Variants in ITGAE observed in about 807,000 individuals in gnomAD.
ITGAE encodes integrin subunit alpha E, also known as integrin alpha-E.
ITGAE carries 99 observed loss-of-function variants against 136.5 expected under a neutral mutation model. The ratio of observed to expected loss-of-function variants is 0.73; its 90% CI spans 0.62 to 0.86. The LOEUF is 0.86. ITGAE is among the 40% of genes least tolerant of loss of function. The pLI is 0.00. For missense variants in ITGAE, 1,447 were observed against 1,515.3 expected, an observed-to-expected ratio of 0.95 and a Z score of 0.75; for synonymous variants, 613 against 591.8, an observed-to-expected ratio of 1.04 and a Z score of -0.52.
chr17:3,777,523 C>T lies in ITGAE; in HGVS notation c.155+17G>A, dbSNP rs2052571516. 1 of 1,597,482 alleles carries T rather than the reference C, an allele frequency of 6.3e-7. No homozygotes were observed. The highest frequency in any genetic ancestry group is 8.5e-7 in the Non-Finnish European group (1 of 1,170,254). ...GCCCCTCAGTCTGAAGGCCTCTTGC[C>T]CACCGGCCCTACTCACCAGGTCTGG... is the stretch of plus-strand genomic sequence containing the variant. On this transcript the variant is annotated intron_variant, in intron 2 of 30. Transcript: ENST00000263087.
At chr17:3,778,564 AAAC>A (rs149687294) in intron 1 of ITGAE, among the ~76,000 whole-genome samples, 14,519 of 152,138 alleles carry the variant, frequency 0.095, 2,224 homozygotes, top group African/African-American at 0.33. Context: ...CTCCGTCTCA[AAAC>A]AACAACAACA....
At chr17:3,769,434 T>C (rs2052369735) in intron 2 of ITGAE, among the ~76,000 whole-genome samples, 1 of 149,594 alleles carries the variant, frequency 6.7e-6, no homozygotes, top group Non-Finnish European at 1.5e-5. Flanking sequence ...CTGCCATTCA[T>C]GCCGCCATCA....
chr17:3,739,930 G>A (rs769720919), intron 19 of ITGAE, 52 bp from the exon 20 acceptor site: 2 of 1,454,222 alleles, frequency 1.4e-6, no homozygotes, highest in Non-Finnish European at 1.9e-6. Context: ...TTCCCCAGCA[G>A]CCCTGCCTCC....
intron 2 of ITGAE, among the ~76,000 whole-genome samples, chr17:3,769,643 G>C (rs916814901): frequency 6.6e-6 from 1 of 152,172 alleles, no homozygotes; most frequent in Non-Finnish European, 1.5e-5. Flanking sequence ...AGCAACCCTT[G>C]TCCATCTCCT....
Position 3,768,132 on chromosome 17 carries a change from AT to A in ITGAE, c.156-4173del, listed in dbSNP as rs200795016. The stretch of plus-strand genomic sequence containing the variant: ...ATTTGGTTTTTAATTTACTCATGTA[AT>A]TTTTTTTTTAAGACAGAGTCTCCTT... On this transcript the variant is annotated intron_variant, in intron 2 of 30. Coordinates refer to ENST00000263087, the MANE Select transcript of ITGAE (RefSeq NM_002208.5). Among the ~76,000 whole-genome samples, 891 of 149,286 alleles carry A rather than the reference AT, an allele frequency of 6.0e-3. 18 individuals carry two copies. The highest frequency in any genetic ancestry group is 0.02 in the African/African-American group (821 of 40,662).
chr17:3,741,064 TG>T (rs1171267926), intron 19 of ITGAE, among the ~76,000 whole-genome samples: 1 of 146,914 alleles, frequency 6.8e-6, no homozygotes, highest in Non-Finnish European at 1.5e-5. Flanking sequence ...CAGGGTTTTT[TG>T]TTGTATTTTT....
intron 23 of ITGAE, among the ~76,000 whole-genome samples, chr17:3,729,997 A>T (rs964925504): frequency 4.6e-5 from 7 of 152,134 alleles, no homozygotes; most frequent in Non-Finnish European, 1.0e-4. Flanking sequence ...GCACCTAGTT[A>T]CTAAGCCCAA....
intron 2 of ITGAE, among the ~76,000 whole-genome samples, chr17:3,774,972 G>A (rs543004697): frequency 6.6e-5 from 10 of 151,780 alleles, no homozygotes; most frequent in East Asian, 1.9e-4. Context: ...ACAGGGTCTC[G>A]TTCTGTCACC....
At chr17:3,746,613 A>G (rs1052108734) in intron 17 of ITGAE, among the ~76,000 whole-genome samples, 5 of 151,414 alleles carry the variant, frequency 3.3e-5, no homozygotes, top group Admixed American at 6.6e-5. Flanking sequence ...CCGCCACCAC[A>G]CCTGGCTAAT....
chr17:3,735,136 G>C (rs1176378565), intron 20 of ITGAE, among the ~76,000 whole-genome samples, 187 bp from the exon 21 acceptor site: 5 of 152,146 alleles, frequency 3.3e-5, no homozygotes, highest in Admixed American at 2.6e-4. Flanking sequence ...TGGGACTACA[G>C]GTGTTTACCA....
In ITGAE at chr17:3,740,595, C is replaced by T. The variant is rs574138740; in HGVS notation, c.2449-717G>A. Among the ~76,000 whole-genome samples, 6 of 152,336 alleles carry T rather than the reference C, an allele frequency of 3.9e-5. No homozygotes were observed. The South Asian group carries it at 1.2e-3, about 32-fold the overall frequency. On this transcript the variant is annotated intron_variant, in intron 19 of 30. Coordinates refer to ENST00000263087, the MANE Select transcript of ITGAE (RefSeq NM_002208.5). ...TTCGCCATGTTGACCAGGTTGGTCT[C>T]AAACTCCTGACCTCAGGTCATCCAC... is the stretch of plus-strand genomic sequence containing the variant.
At chr17:3,794,952 T>C (rs181507386) in intron 1 of ITGAE, among the ~76,000 whole-genome samples, 1 of 152,238 alleles carries the variant, frequency 6.6e-6, no homozygotes, top group Non-Finnish European at 1.5e-5. Context: ...CGGCGCACCC[T>C]CTGCACACTC....
At chr17:3,761,270 G>A (rs1322747843) in intron 5 of ITGAE, 93 bp from the exon 6 acceptor site, 81 of 1,551,252 alleles carry the variant, frequency 5.2e-5, no homozygotes, top group Middle Eastern at 1.8e-4. Flanking sequence ...TTCCTTTCAC[G>A]TGATGCCTCA....
At position 3,801,032 on chromosome 17, in the gene ITGAE, G is replaced by T. The variant is rs550255169; in HGVS notation, c.34+79C>A. 3.3e-6 allele frequency: 5 copies of T among 1,508,508 alleles called. No homozygotes were observed. The East Asian group carries it at 6.8e-5, about 20-fold the overall frequency. 93.4% of individuals were successfully genotyped at this position (1,508,508 alleles called of 1,614,324 possible). A position where few individuals can be genotyped will look rare whatever the true frequency, so the allele number is the denominator to read the frequency against. ...AACTGAGCCCCATCAGAGACAGACA[G>T]TCAAGGCTGTAGTCTGCAGACACCT... On this transcript the variant is annotated intron_variant, in intron 1 of 30. Coordinates refer to ENST00000263087, the MANE Select transcript of ITGAE (RefSeq NM_002208.5).
rs143846774 is a variant in ITGAE, at chr17:3,735,736, A to T, written c.2523-787T>A. Among the ~76,000 whole-genome samples, 976 of 152,338 alleles carry T rather than the reference A, an allele frequency of 6.4e-3. 17 individuals carry two copies. Among genetic ancestry groups the T allele is most frequent in the African/African-American group, 0.023 (938 of 41,574 alleles). ...ACGCCCATCTCAGTTGTTGCATGAG[A>T]TGACGATAATAGCTGCCCTTTATTT... is the stretch of plus-strand genomic sequence containing the variant. On this transcript the variant is annotated intron_variant, in intron 20 of 30. Coordinates refer to ENST00000263087, the MANE Select transcript of ITGAE (RefSeq NM_002208.5).
intron 20 of ITGAE, among the ~76,000 whole-genome samples, chr17:3,737,073 A>C (rs1271737377): frequency 6.6e-6 from 1 of 152,082 alleles, no homozygotes; most frequent in Admixed American, 6.5e-5. Context: ...CAGGTGGATC[A>C]CTTGAGGCCA....
chr17:3,723,514 G>A (rs1199120444), intron 27 of ITGAE, 131 bp from the exon 28 acceptor site: 3 of 990,016 alleles, frequency 3.0e-6, no homozygotes, highest in Non-Finnish European at 4.7e-6. Flanking sequence ...GCTCACCTCG[G>A]CCCAAGCGAA....
At chr17:3,730,679 AC>A (rs2051321542) in intron 23 of ITGAE, among the ~76,000 whole-genome samples, 1 of 151,406 alleles carries the variant, frequency 6.6e-6, no homozygotes. Context: ...CCTACTGAAC[AC>A]CCCCCTCCCC....
chr17:3,777,300 G>A (rs1234504269), intron 2 of ITGAE, among the ~76,000 whole-genome samples: 3 of 152,242 alleles, frequency 2.0e-5, no homozygotes, highest in Non-Finnish European at 4.4e-5. Context: ...CCTGGGCAAT[G>A]GAGCAGGGAG....
Sources: allele counts gnomAD v4.1 joint callset (sites outside exome capture counted in the v4.1 genomes callset), GRCh38; gene constraint gnomAD v4.1.1; transcripts MANE v1.5; gene names NCBI Gene and HGNC (gene_info 2026-07-23, HGNC 2026-07-21).